ZNF593OS: variants seen among roughly 807,000 people sequenced by gnomAD.
The protein encoded by ZNF593OS is transmembrane protein ZNF593OS.
rs1024784435 is a variant in ZNF593OS at position 26,171,780 on chromosome 1, C to T, written c.-119G>A. On this transcript the variant is annotated 5_prime_UTR_variant, in exon 1 of 2. Transcript: ENST00000648649. The surrounding 1 kb of genome is among the most constrained non-coding windows in gnomAD (Gnocchi z 5.5). The stretch of plus-strand genomic sequence containing the variant: ...AGAGGGGTCTCTGACCTTCCACATA[C>T]GCAAGACCCAAGCTCTCAGAGGATG... The T allele has an allele frequency of 1.3e-5, 5 of 397,612 alleles. No homozygotes were observed. The highest frequency in any genetic ancestry group is 8.8e-5 in the Admixed American group (2 of 22,692). The allele number at this position is 397,612 out of a possible 1,614,324, so 24.6% of individuals were successfully genotyped here. A position where few individuals can be genotyped will look rare whatever the true frequency, so the allele number is the denominator to read the frequency against.
At position 26,171,103 on chromosome 1, in the gene ZNF593OS, G is replaced by T. The variant is rs532758676; in HGVS notation, c.*86C>A. 1.4e-4 allele frequency: 59 copies of T among 411,680 alleles called. No individual in the cohort carries two copies. The highest frequency in any genetic ancestry group is 2.2e-4 in the Non-Finnish European group (52 of 233,358). 25.5% of individuals were successfully genotyped at this position (411,680 alleles called of 1,614,324 possible). A position where few individuals can be genotyped will look rare whatever the true frequency, so the allele number is the denominator to read the frequency against. On this transcript the variant is annotated 3_prime_UTR_variant, in exon 2 of 2. Coordinates refer to ENST00000648649, the Ensembl canonical transcript of ZNF593OS. The surrounding 1 kb of genome is among the most constrained non-coding windows in gnomAD (Gnocchi z 5.5). Reference sequence around the variant, plus strand: ...CTCTGTCCTGCTTCTGACAGAGACTGATCCCCAGAAAAGAAGGCTTCTGAG... The same window carrying T: ...CTCTGTCCTGCTTCTGACAGAGACTTATCCCCAGAAAAGAAGGCTTCTGAG...
rs756845836 is a variant in ZNF593OS at position 26,170,599 on chromosome 1, C to CT, written c.*589dup. On this transcript the variant is annotated 3_prime_UTR_variant, in exon 2 of 2. Transcript: ENST00000648649. Reference sequence around the variant, plus strand: ...GGCTGAAGCAGCTGAGCGTCGAGCCCTACAGTCAGGAAGAGGCGGAGAGGG... The same window carrying CT: ...GGCTGAAGCAGCTGAGCGTCGAGCCCTTACAGTCAGGAAGAGGCGGAGAGGG... The CT allele has an allele frequency of 1.2e-5, 19 of 1,613,662 alleles. No homozygotes were observed. Among genetic ancestry groups the CT allele is most frequent in the Admixed American group, 1.7e-5 (1 of 60,006 alleles).
chr1:26,170,442 C>T, downstream of ZNF593OS: 1 of 1,614,148 alleles, frequency 6.2e-7, no homozygotes, highest in Non-Finnish European at 8.5e-7. Flanking sequence ...ATTCCACCAA[C>T]CTGAAGACCC....
downstream of ZNF593OS, chr1:26,170,296 T>TC: frequency 6.6e-7 from 1 of 1,524,994 alleles, no homozygotes; most frequent in South Asian, 1.2e-5. Context: ...GACCCGTGGG[T>TC]CCGCCCGCCT....
chr1:26,170,275 TTC>T, downstream of ZNF593OS: 1 of 1,551,404 alleles, frequency 6.4e-7, no homozygotes, highest in Non-Finnish European at 8.7e-7. Context: ...GCGCAGAGTC[TTC>T]TCTCTTGGGA....
chr1:26,170,203 G>C (rs1161122157), downstream of ZNF593OS: 1 of 1,576,226 alleles, frequency 6.3e-7, no homozygotes. Context: ...GGACGAGCCC[G>C]GCCTGGGGCG....
In ZNF593OS at chr1:26,171,606, G is replaced by A. The variant is rs2088497998; in HGVS notation, c.45+11C>T. 1 of 398,520 alleles carries A rather than the reference G, an allele frequency of 2.5e-6. No homozygotes were observed. Among genetic ancestry groups the A allele is most frequent in the Non-Finnish European group, 4.4e-6 (1 of 226,072 alleles). The allele number at this position is 398,520 out of a possible 1,614,324, so 24.7% of individuals were successfully genotyped here. Reference sequence around the variant, plus strand: ...CAGTCGTGCCAGAAACCGTTGATCAGGGGTACTTACCTGTAACACCCGGAA... The same window carrying A: ...CAGTCGTGCCAGAAACCGTTGATCAAGGGTACTTACCTGTAACACCCGGAA... On this transcript the variant is annotated intron_variant, in intron 1 of 1. Transcript: ENST00000648649. This position sits in a 1 kb window ranked among gnomAD's most constrained non-coding sequence, Gnocchi z 5.5.
At position 26,171,131 on chromosome 1, in the gene ZNF593OS, T is replaced by G. The variant is rs188511374; in HGVS notation, c.*58A>C. ...CCCCAGAAAAGAAGGCTTCTGAGAT[T>G]GCACCCCCCTCCCGAGTCACCTACC... On this transcript the variant is annotated 3_prime_UTR_variant, in exon 2 of 2. Transcript: ENST00000648649. This position sits in a 1 kb window ranked among gnomAD's most constrained non-coding sequence, Gnocchi z 5.5. 2.9e-4 allele frequency: 120 copies of G among 410,930 alleles called. 1 individual carries two copies. The Admixed American group carries it at 4.5e-3, about 15-fold the overall frequency. The allele number at this position is 410,930 out of a possible 1,614,324, so 25.5% of individuals were successfully genotyped here. A position where few individuals can be genotyped will look rare whatever the true frequency, so the allele number is the denominator to read the frequency against.
exon 2 of ZNF593OS, chr1:26,170,842 C>G: frequency 8.0e-7 from 1 of 1,256,698 alleles, no homozygotes; most frequent in South Asian, 1.5e-5. Context: ...TCTTGGTGCC[C>G]TGCCCCAAAT....
In ZNF593OS at chr1:26,171,349, G is replaced by C; in HGVS notation, c.46-14C>G. The C allele has an allele frequency of 2.5e-6, 1 of 400,850 alleles. No homozygotes were observed. The highest frequency in any genetic ancestry group is 4.4e-6 in the Non-Finnish European group (1 of 227,630). 24.8% of individuals were successfully genotyped at this position (400,850 alleles called of 1,614,324 possible). A position where few individuals can be genotyped will look rare whatever the true frequency, so the allele number is the denominator to read the frequency against. On this transcript the variant is annotated splice_polypyrimidine_tract_variant and intron_variant, in intron 1 of 1. Transcript: ENST00000648649. The surrounding 1 kb of genome is among the most constrained non-coding windows in gnomAD (Gnocchi z 5.5). ...AGCTACCTGCATCTGGAGGTGCACA[G>C]AGGGTGTGCCTCAGGGGTCAGTTGA... is the stretch of plus-strand genomic sequence containing the variant.
downstream of ZNF593OS, chr1:26,169,930 C>G: frequency 6.7e-7 from 1 of 1,487,366 alleles, no homozygotes; most frequent in South Asian, 1.3e-5. Flanking sequence ...AGTGCTCACA[C>G]GTGTGCTCCC....
downstream of ZNF593OS, chr1:26,169,911 C>T: frequency 1.4e-6 from 2 of 1,401,264 alleles, no homozygotes; most frequent in Non-Finnish European, 1.9e-6. Context: ...CGTAGCTGAT[C>T]GGCCCGGAAG....
downstream of ZNF593OS, chr1:26,170,029 G>A (rs753776147): frequency 1.3e-6 from 2 of 1,570,442 alleles, no homozygotes; most frequent in Non-Finnish European, 1.7e-6. Context: ...GCACTCTCTA[G>A]CCCGGCAGAT....
exon 2 of ZNF593OS, chr1:26,170,879 C>A: frequency 1.1e-6 from 1 of 894,456 alleles, no homozygotes; most frequent in Non-Finnish European, 1.6e-6. Flanking sequence ...GAGAACTTGC[C>A]TCCAACTCTA....
At chr1:26,170,854 A>C in exon 2 of ZNF593OS, 1 of 1,083,692 alleles carries the variant, frequency 9.2e-7, no homozygotes, top group Non-Finnish European at 1.3e-6. Flanking sequence ...GCCCCAAATA[A>C]AGGAACTGGA....
exon 2 of ZNF593OS, chr1:26,170,782 G>A (rs1191601776): frequency 1.9e-6 from 3 of 1,550,448 alleles, no homozygotes; most frequent in South Asian, 1.2e-5. Flanking sequence ...AGGCTGGGAG[G>A]GAGCGTGCCA....
At chr1:26,169,999 C>G, downstream of ZNF593OS, 2 of 1,550,676 alleles carry the variant, frequency 1.3e-6, no homozygotes, top group Non-Finnish European at 1.7e-6. Flanking sequence ...TCGCTCCCGC[C>G]GGACAGGCGC....
At chr1:26,170,013 C>T, downstream of ZNF593OS, 5 of 1,560,684 alleles carry the variant, frequency 3.2e-6, no homozygotes, top group South Asian at 2.3e-5. Flanking sequence ...CAGGCGCGCA[C>T]CGAGCGCACT....
At chr1:26,170,012 A>T (rs1395052972), downstream of ZNF593OS, 8 of 1,559,920 alleles carry the variant, frequency 5.1e-6, no homozygotes, top group Non-Finnish European at 6.9e-6. Flanking sequence ...ACAGGCGCGC[A>T]CCGAGCGCAC....
Sources: gnomAD v4.1 joint callset for allele counts on GRCh38, gnomAD v4.1.1 for gene constraint, Gnocchi (gnomAD v3.1) non-coding constraint, MANE v1.5 for transcripts, NCBI Gene and HGNC (gene_info 2026-07-23, HGNC 2026-07-21) for gene names.